STARD3NL: variants seen among roughly 807,000 people sequenced by gnomAD.
The protein encoded by STARD3NL is STARD3 N-terminal-like protein.
STARD3NL carries 17 observed loss-of-function variants against 30.9 expected under a neutral mutation model. That is an observed-to-expected ratio of 0.55 (90% CI 0.38 to 0.82). STARD3NL has a LOEUF of 0.82. Ranked by LOEUF, STARD3NL falls within the 40% of genes least tolerant of loss-of-function variation. The pLI, the probability that STARD3NL is intolerant of heterozygous loss-of-function variation, is 0.00. For missense variants in STARD3NL, 234 were observed against 277.6 expected, an observed-to-expected ratio of 0.84 and a Z score of 1.12; for synonymous variants, 112 against 100.5, an observed-to-expected ratio of 1.11 and a Z score of -0.69.
intron 1 of STARD3NL, among the ~76,000 whole-genome samples, chr7:38,202,969 A>G (rs549570872): frequency 6.6e-6 from 1 of 152,050 alleles, no homozygotes; most frequent in Admixed American, 6.5e-5. Context: ...AATCCAGTCT[A>G]TCATTGTTGA....
Position 38,217,042 on chromosome 7 carries a change from C to G in STARD3NL, c.399C>G (p.Thr133=), listed in dbSNP as rs894797745. 2 of 1,613,966 alleles carry G rather than the reference C, an allele frequency of 1.2e-6. No homozygotes were observed. The highest frequency in any genetic ancestry group is 2.7e-5 in the African/African-American group (2 of 74,908). ...WWAIALTTAV[T]SAFLLAKVIL... is the part of the protein sequence containing the mutation. ...TCTTGCAGTTGACAACGGCAGTGAC[C>G]AGTGCCTTTTTACTAGCAAAAGTGA... The change falls in exon 5 of 9, where the codon ACC becomes ACG. Residue 133 remains threonine (T), a synonymous_variant. Transcript: ENST00000009041.
At chr7:38,190,346 G>T (rs1277268390) in intron 1 of STARD3NL, among the ~76,000 whole-genome samples, 1 of 152,114 alleles carries the variant, frequency 6.6e-6, no homozygotes, top group East Asian at 1.9e-4. Flanking sequence ...AACTGAAACT[G>T]GAAAGTGAAA....
chr7:38,179,689 A>C (rs970670630), intron 1 of STARD3NL, among the ~76,000 whole-genome samples: 1 of 152,240 alleles, frequency 6.6e-6, no homozygotes, highest in Non-Finnish European at 1.5e-5. Flanking sequence ...AAACATGTAA[A>C]TCAAAGAGAC....
intron 1 of STARD3NL, among the ~76,000 whole-genome samples, chr7:38,192,286 T>C (rs1197059280): frequency 7.8e-6 from 1 of 128,452 alleles, no homozygotes; most frequent in Non-Finnish European, 1.7e-5. Context: ...CAAAGTTTTG[T>C]TGTTGTTGTT....
intron 3 of STARD3NL, 85 bp downstream of exon 3, chr7:38,214,519 C>A: frequency 1.3e-6 from 1 of 783,796 alleles, no homozygotes. Flanking sequence ...AAATTCCATG[C>A]CCTTTTTTCC....
intron 1 of STARD3NL, among the ~76,000 whole-genome samples, chr7:38,184,587 G>A (rs117550441): frequency 0.083 from 12,323 of 148,712 alleles, 619 homozygotes; most frequent in Middle Eastern, 0.15. Context: ...ATCACCAAGG[G>A]GATGGTGGCA....
At chr7:38,188,581 A>G (rs995630318) in intron 1 of STARD3NL, among the ~76,000 whole-genome samples, 3 of 152,228 alleles carry the variant, frequency 2.0e-5, no homozygotes, top group Admixed American at 6.5e-5. Context: ...GTGCTCAAAC[A>G]TATTTGTGGA....
In STARD3NL at chr7:38,207,459, T is replaced by C. The variant is rs189562659; in HGVS notation, c.-46T>C. 12 of 1,545,062 alleles carry C rather than the reference T, an allele frequency of 7.8e-6. No individual in the cohort carries two copies. Among genetic ancestry groups the C allele is most frequent in the East Asian group, 2.3e-5 (1 of 44,276 alleles). ...TTATTTCCCAAAGGTGTCTTCTCTT[T>C]AGGGATGGTGAGGTTGGAAAAAGGC... On this transcript the variant is annotated 5_prime_UTR_variant, in exon 2 of 9. Coordinates refer to ENST00000009041, the MANE Select transcript of STARD3NL (RefSeq NM_032016.4).
At chr7:38,182,017 A>G (rs1784268958) in intron 1 of STARD3NL, among the ~76,000 whole-genome samples, 3 of 152,204 alleles carry the variant, frequency 2.0e-5, no homozygotes, top group Non-Finnish European at 4.4e-5. Flanking sequence ...TTCTTTTCTC[A>G]TAGCACTTTT....
At chr7:38,195,854 A>G (rs775648487) in intron 1 of STARD3NL, among the ~76,000 whole-genome samples, 5 of 152,200 alleles carry the variant, frequency 3.3e-5, no homozygotes, top group East Asian at 1.9e-4. Flanking sequence ...GATGGTGCCA[A>G]TGTAGGTCAT....
At chr7:38,183,269 T>G (rs1184883578) in intron 1 of STARD3NL, among the ~76,000 whole-genome samples, 1 of 152,140 alleles carries the variant, frequency 6.6e-6, no homozygotes, top group Non-Finnish European at 1.5e-5. Flanking sequence ...TCTAAATGCT[T>G]TATTTCAGGG....
At chr7:38,220,103 C>G (rs1447708143) in intron 7 of STARD3NL, among the ~76,000 whole-genome samples, 1 of 152,160 alleles carries the variant, frequency 6.6e-6, no homozygotes, top group Non-Finnish European at 1.5e-5. Context: ...TCCATCCTCT[C>G]TCCCTTATTT....
chr7:38,218,543 G>A (rs894554916), intron 6 of STARD3NL, among the ~76,000 whole-genome samples: 6 of 152,134 alleles, frequency 3.9e-5, no homozygotes, highest in African/African-American at 1.2e-4. Context: ...CTATGACTGA[G>A]GCTTGAATGG....
chr7:38,191,212 A>G (rs1326442829), intron 1 of STARD3NL, among the ~76,000 whole-genome samples: 3 of 152,158 alleles, frequency 2.0e-5, no homozygotes, highest in African/African-American at 7.2e-5. Flanking sequence ...TAATTTTATT[A>G]TTCCTTTTAC....
At chr7:38,184,060 G>A (rs958120114) in intron 1 of STARD3NL, among the ~76,000 whole-genome samples, 1 of 152,164 alleles carries the variant, frequency 6.6e-6, no homozygotes, top group Non-Finnish European at 1.5e-5. Flanking sequence ...GGAGTTTTCA[G>A]TATAGTACTG....
In STARD3NL at chr7:38,217,263, C is replaced by T. The variant is rs1786177202; in HGVS notation, c.511C>T (p.Leu171=). The T allele has an allele frequency of 6.2e-7, 1 of 1,613,990 alleles. No individual in the cohort carries two copies. ...FILAWIETWF[L]DFKVLPQEAE... ...CCTTGCCTGGATTGAGACGTGGTTC[C>T]TGGATTTCAAAGTGTTACCTCAAGA... Residue 171 remains leucine (L), a synonymous_variant, in exon 6 of 9, where the codon CTG becomes TTG. Transcript: ENST00000009041.
intron 8 of STARD3NL, among the ~76,000 whole-genome samples, chr7:38,229,404 T>A (rs1174010028): frequency 6.6e-6 from 1 of 152,252 alleles, no homozygotes; most frequent in African/African-American, 2.4e-5. Flanking sequence ...TGAAAGCTGC[T>A]GTACATCCAA....
At chr7:38,216,856 A>G in intron 4 of STARD3NL, 169 bp from the exon 5 acceptor site, 2 of 683,884 alleles carry the variant, frequency 2.9e-6, no homozygotes, top group South Asian at 2.0e-5. Flanking sequence ...ATTTTGCCCC[A>G]GTGTGGGTCT....
intron 1 of STARD3NL, among the ~76,000 whole-genome samples, chr7:38,192,380 TA>T (rs1463981161): frequency 1.3e-5 from 2 of 152,166 alleles, no homozygotes; most frequent in Non-Finnish European, 2.9e-5. Flanking sequence ...TCTTCTTTGA[TA>T]GGGGCAGAGA....
Sources: gnomAD v4.1 joint callset for allele counts (sites outside exome capture counted in the v4.1 genomes callset) on GRCh38, gnomAD v4.1.1 for gene constraint, MANE v1.5 for transcripts, NCBI Gene and HGNC (gene_info 2026-07-23, HGNC 2026-07-21) for gene names.